The following RSBN1L variants were observed in gnomAD, a reference collection of about 807,000 sequenced individuals.
The protein encoded by RSBN1L is lysine-specific demethylase RSBN1L.
Under a neutral mutation model 67.7 loss-of-function variants are expected in RSBN1L, and 30 were observed. The ratio of observed to expected loss-of-function variants is 0.44; its 90% CI spans 0.33 to 0.60. The LOEUF (loss-of-function observed/expected upper bound fraction) is 0.60, where lower values mean the gene tolerates loss of function less well. Ranked by LOEUF, RSBN1L falls within the 20% of genes least tolerant of loss-of-function variation. The pLI, the probability that RSBN1L is intolerant of heterozygous loss-of-function variation, is 0.02. For missense variants in RSBN1L, 992 were observed against 1,031.7 expected (o/e 0.96, Z 0.53); for synonymous variants, 433 against 387.0 (o/e 1.12, Z -1.39).
At chr7:77,770,368 C>G (rs916000306) in intron 5 of RSBN1L, among the ~76,000 whole-genome samples, 1 of 151,270 alleles carries the variant, frequency 6.6e-6, no homozygotes, top group African/African-American at 2.4e-5. Context: ...GAGCGAGACT[C>G]TGTTTCAAAA....
intron 3 of RSBN1L, among the ~76,000 whole-genome samples, chr7:77,752,724 C>G (rs1165751599): frequency 6.6e-6 from 1 of 152,152 alleles, no homozygotes; most frequent in East Asian, 1.9e-4. Flanking sequence ...AGGGAACACA[C>G]CCATGATTTT....
At chr7:77,716,777 G>A (rs180747696) in intron 1 of RSBN1L, among the ~76,000 whole-genome samples, 186 of 151,502 alleles carry the variant, frequency 1.2e-3, no homozygotes, top group African/African-American at 4.2e-3. Context: ...GATTACAGGC[G>A]TGCACCACCA....
intron 1 of RSBN1L, among the ~76,000 whole-genome samples, chr7:77,721,615 A>T (rs1333531404): frequency 6.6e-6 from 1 of 152,210 alleles, no homozygotes; most frequent in East Asian, 1.9e-4. Context: ...GGGCAATCGC[A>T]TTTTAGCTAA....
At chr7:77,722,848 A>G (rs748838043) in intron 1 of RSBN1L, among the ~76,000 whole-genome samples, 18 of 151,872 alleles carry the variant, frequency 1.2e-4, no homozygotes, top group Non-Finnish European at 2.5e-4. Context: ...ATTATGGCTC[A>G]TGGCTCATAT....
intron 3 of RSBN1L, among the ~76,000 whole-genome samples, chr7:77,763,517 G>A (rs1189897065): frequency 6.6e-6 from 1 of 152,174 alleles, no homozygotes; most frequent in Non-Finnish European, 1.5e-5. Flanking sequence ...TTACAGAGGT[G>A]CATAGACTGA....
chr7:77,723,591 C>A (rs1046884887), intron 1 of RSBN1L, among the ~76,000 whole-genome samples: 1 of 152,076 alleles, frequency 6.6e-6, no homozygotes, highest in South Asian at 2.1e-4. Context: ...ACCTCACCCA[C>A]CCAAGTAGCT....
At chr7:77,776,495 T>C (rs940145031) in intron 6 of RSBN1L, among the ~76,000 whole-genome samples, 1 of 152,268 alleles carries the variant, frequency 6.6e-6, no homozygotes, top group Non-Finnish European at 1.5e-5. Context: ...ATGTCTATTC[T>C]TAACATCTAA....
intron 3 of RSBN1L, among the ~76,000 whole-genome samples, chr7:77,756,786 A>G (rs946552588): frequency 1.3e-5 from 2 of 152,182 alleles, no homozygotes; most frequent in African/African-American, 4.8e-5. Context: ...CTCAAAAGAA[A>G]AGGAAGAAAT....
intron 1 of RSBN1L, among the ~76,000 whole-genome samples, chr7:77,733,445 C>A (rs1395135263): frequency 6.6e-6 from 1 of 152,150 alleles, no homozygotes; most frequent in Non-Finnish European, 1.5e-5. Flanking sequence ...TAACTTCATA[C>A]CTTCAACTGT....
At chr7:77,746,414 C>A (rs118097664) in intron 2 of RSBN1L, among the ~76,000 whole-genome samples, 1,852 of 152,190 alleles carry the variant, frequency 0.012, 16 homozygotes, top group Middle Eastern at 0.034. Flanking sequence ...TGATGCAGAA[C>A]CAAGGGGGAA....
chr7:77,736,087 T>A (rs1043429721), intron 1 of RSBN1L, among the ~76,000 whole-genome samples: 1 of 152,194 alleles, frequency 6.6e-6, no homozygotes, highest in African/African-American at 2.4e-5. Context: ...ACACTGGCAC[T>A]TTTCCATCGT....
intron 3 of RSBN1L, among the ~76,000 whole-genome samples, chr7:77,757,135 T>C (rs533026866): frequency 1.3e-5 from 2 of 152,384 alleles, no homozygotes; most frequent in South Asian, 4.1e-4. Flanking sequence ...TGTAGCTGTT[T>C]CTATGATTTT....
chr7:77,726,813 T>G (rs1415149519), intron 1 of RSBN1L, among the ~76,000 whole-genome samples: 1 of 137,404 alleles, frequency 7.3e-6, no homozygotes, highest in Admixed American at 7.7e-5. Context: ...AGAGTCTCGC[T>G]CTTGTTGCCC....
intron 6 of RSBN1L, among the ~76,000 whole-genome samples, chr7:77,775,600 A>G (rs865921575): frequency 2.6e-5 from 4 of 151,972 alleles, no homozygotes; most frequent in African/African-American, 7.3e-5. Flanking sequence ...TTAGTTTCCA[A>G]TATTTGAGGA....
intron 5 of RSBN1L, among the ~76,000 whole-genome samples, chr7:77,770,677 T>C (rs1384384003): frequency 6.6e-6 from 1 of 151,776 alleles, no homozygotes; most frequent in African/African-American, 2.4e-5. Flanking sequence ...CCAGAACCTA[T>C]CTCTTAAAAA....
At chr7:77,708,259 T>C (rs1270596624) in intron 1 of RSBN1L, among the ~76,000 whole-genome samples, 1 of 151,924 alleles carries the variant, frequency 6.6e-6, no homozygotes, top group African/African-American at 2.4e-5. Flanking sequence ...GGGTGCGTGG[T>C]GTGTTCGGTG....
rs576512862 is a variant in RSBN1L at position 77,701,808 on chromosome 7, C to T, written c.586+4753C>T. Among the ~76,000 whole-genome samples, 792 of 151,980 alleles carry T rather than the reference C, an allele frequency of 5.2e-3. 12 individuals carry two copies. The highest frequency in any genetic ancestry group is 0.018 in the African/African-American group (752 of 41,448). On this transcript the variant is annotated intron_variant, in intron 1 of 7. Coordinates refer to ENST00000334955, the MANE Select transcript of RSBN1L (RefSeq NM_198467.3). ...CTGGTATTACAGGTGTGCGCCACCA[C>T]GCCCAGCTAATTTTTTGTATTTTTA...
chr7:77,739,026 CAT>C (rs1388708561), intron 2 of RSBN1L, among the ~76,000 whole-genome samples: 2 of 152,170 alleles, frequency 1.3e-5, no homozygotes, highest in African/African-American at 2.4e-5. Flanking sequence ...TGAATAAACA[CAT>C]GATTCATTGG....
rs1237162147 is a variant in RSBN1L, at chr7:77,773,180, A to G, written c.1659A>G (p.Leu553=). ...TTNEIKNLQY[L]PRTSEPREML... ...ATGAAATAAAAAATCTTCAGTACCT[A>G]CCTCGAACAAGTGAGCCCCGTGAGA... Residue 553 remains leucine (L), a synonymous_variant, in exon 6 of 8, where the codon CTA becomes CTG. Transcript: ENST00000334955. The G allele has an allele frequency of 8.7e-6, 14 of 1,607,968 alleles. No homozygotes were observed. The highest frequency in any genetic ancestry group is 1.2e-5 in the Non-Finnish European group (14 of 1,178,182).
Sources: allele counts gnomAD v4.1 joint callset (sites outside exome capture counted in the v4.1 genomes callset), GRCh38; gene constraint gnomAD v4.1.1; transcripts MANE v1.5; gene names NCBI Gene and HGNC (gene_info 2026-07-23, HGNC 2026-07-21).